Variants in GPATCH8 observed in about 807,000 individuals in gnomAD.
GPATCH8 encodes the protein G-patch domain containing 8, also known as G patch domain-containing protein 8.
In GPATCH8, 18 loss-of-function variants were observed where a neutral mutation model predicts 118.3. That is an observed-to-expected ratio of 0.15 (90% CI 0.11 to 0.23). The LOEUF (loss-of-function observed/expected upper bound fraction) is 0.23. GPATCH8 is among the 10% of genes least tolerant of loss of function. GPATCH8 has a pLI of 1.00. For missense variants in GPATCH8, 1,631 were observed against 1,873.8 expected, an observed-to-expected ratio of 0.87 and a Z score of 2.39; for synonymous variants, 659 against 684.7, an observed-to-expected ratio of 0.96 and a Z score of 0.59.
chr17:44,404,119 G>A (rs988817773), intron 7 of GPATCH8, among the ~76,000 whole-genome samples: 2 of 152,040 alleles, frequency 1.3e-5, no homozygotes, highest in Admixed American at 6.6e-5. Flanking sequence ...AAAAAACAAC[G>A]CCCCGCAAAC....
chr17:44,503,240 A>C, intron 1 of GPATCH8, 86 bp downstream of exon 1: 4 of 1,246,506 alleles, frequency 3.2e-6, no homozygotes, highest in Non-Finnish European at 4.6e-6. Context: ...CAAAACTGGA[A>C]GGAAAGAGGG....
chr17:44,427,097 A>G (rs1225380259), intron 5 of GPATCH8, among the ~76,000 whole-genome samples: 1 of 150,424 alleles, frequency 6.6e-6, no homozygotes, highest in Non-Finnish European at 1.5e-5. Flanking sequence ...TTTTTTTGAG[A>G]CAGCGTCTTG....
rs1567913733 is a variant in GPATCH8 at position 44,395,971 on chromosome 17, G to A, written c.*1597C>T. Reference sequence around the variant, plus strand: ...TGAGGTGGTAATTCCTCTTGTCAGTGTCATGGGAGAAAAGAAACAAGGAAC... The same window carrying A: ...TGAGGTGGTAATTCCTCTTGTCAGTATCATGGGAGAAAAGAAACAAGGAAC... On this transcript the variant is annotated 3_prime_UTR_variant, in exon 8 of 8. Transcript: ENST00000591680. 2.2e-6 allele frequency: 1 copy of A among 454,452 alleles called. No individual in the cohort carries two copies. The allele number at this position is 454,452 out of a possible 1,614,324, so 28.2% of individuals were successfully genotyped here.
At chr17:44,483,628 A>T (rs1968520586) in intron 1 of GPATCH8, among the ~76,000 whole-genome samples, 1 of 150,944 alleles carries the variant, frequency 6.6e-6, no homozygotes, top group African/African-American at 2.4e-5. Context: ...CAAAATATTT[A>T]ATCAGAAATT....
intron 1 of GPATCH8, among the ~76,000 whole-genome samples, chr17:44,494,932 C>T (rs1250979042): frequency 6.6e-6 from 1 of 152,156 alleles, no homozygotes; most frequent in Non-Finnish European, 1.5e-5. Context: ...CTGTTTGTTC[C>T]ACTTCTTTAC....
intron 4 of GPATCH8, among the ~76,000 whole-genome samples, chr17:44,436,029 CAAAAAAAAA>C (rs1157048818): frequency 2.4e-5 from 1 of 41,828 alleles, no homozygotes; most frequent in South Asian, 1.9e-3. Flanking sequence ...AACTCCATCT[CAAAAAAAAA>C]AAAAAAAAAA....
rs373846702 is a variant in GPATCH8, at chr17:44,402,618, TA to T, written c.624-1166del. Among the ~76,000 whole-genome samples the T allele has an allele frequency of 3.3e-5, 5 of 151,870 alleles. No individual in the cohort carries two copies. The South Asian group carries it at 1.0e-3, about 32-fold the overall frequency. On this transcript the variant is annotated intron_variant, in intron 7 of 7. Transcript: ENST00000591680. ...GGGCAACATAGTGAGACCCCACCTC[TA>T]AAAAAAATAAAAATAAAAATTTCCC...
intron 5 of GPATCH8, among the ~76,000 whole-genome samples, chr17:44,433,223 C>T (rs191731304): frequency 2.0e-5 from 3 of 152,094 alleles, no homozygotes; most frequent in African/African-American, 7.2e-5. Context: ...ATTTTTCACT[C>T]GACAGTGTAA....
chr17:44,480,513 C>T (rs1009357191), intron 1 of GPATCH8, among the ~76,000 whole-genome samples: 4 of 151,968 alleles, frequency 2.6e-5, no homozygotes, highest in African/African-American at 9.7e-5. Context: ...GTCGGGAGTA[C>T]AAGACCAGCC....
At position 44,403,694 on chromosome 17, in the gene GPATCH8, T is replaced by C. The variant is rs971350779; in HGVS notation, c.623+2227A>G. ...ATTCAGACAATATGTAATCTCTCTTTTTTTTTTTTTTCTCCCAAGCTGGAG... is the reference window on the plus strand; with the variant it reads ...ATTCAGACAATATGTAATCTCTCTTCTTTTTTTTTTTCTCCCAAGCTGGAG... On this transcript the variant is annotated intron_variant, in intron 7 of 7. Transcript: ENST00000591680. Among the ~76,000 whole-genome samples the C allele has an allele frequency of 5.6e-5, 8 of 143,328 alleles. No homozygotes were observed. The East Asian group carries it at 1.2e-3, about 21-fold the overall frequency. 94.0% of individuals were successfully genotyped at this position (143,328 alleles called of 152,430 possible).
chr17:44,445,160 G>A (rs896234402), intron 3 of GPATCH8, among the ~76,000 whole-genome samples: 7 of 152,070 alleles, frequency 4.6e-5, no homozygotes, highest in African/African-American at 1.7e-4. Flanking sequence ...TTATCACTCA[G>A]TAGTCAAGGA....
At position 44,397,508 on chromosome 17, in the gene GPATCH8, C is replaced by T. The variant is rs561838924; in HGVS notation, c.*60G>A. On this transcript the variant is annotated 3_prime_UTR_variant, in exon 8 of 8. Coordinates refer to ENST00000591680, the MANE Select transcript of GPATCH8 (RefSeq NM_001002909.4). ...CTTGCTGGTATTAATGGCTCAACAC[C>T]CCCAAGGGAACATTTATGGGTCTCC... 10 of 1,170,684 alleles carry T rather than the reference C, an allele frequency of 8.5e-6. No individual in the cohort carries two copies. The highest frequency in any genetic ancestry group is 3.0e-5 in the African/African-American group (2 of 66,448). The allele number at this position is 1,170,684 out of a possible 1,614,324, so 72.5% of individuals were successfully genotyped here.
intron 5 of GPATCH8, among the ~76,000 whole-genome samples, chr17:44,430,712 G>A (rs370532308): frequency 4.0e-5 from 6 of 151,752 alleles, no homozygotes; most frequent in African/African-American, 1.4e-4. Context: ...GTGCGATCTT[G>A]GCTCACTGCA....
At chr17:44,468,496 T>A (rs1967001180) in intron 2 of GPATCH8, among the ~76,000 whole-genome samples, 1 of 146,208 alleles carries the variant, frequency 6.8e-6, no homozygotes. Context: ...CAAGTGATCC[T>A]CCCATCTCAG....
In GPATCH8 at chr17:44,493,669, T is replaced by G. The variant is rs537334310; in HGVS notation, c.45+9657A>C. On this transcript the variant is annotated intron_variant, in intron 1 of 7. Transcript: ENST00000591680. ...TAGGGAGGCAGAGGTGGGAGGATGGTGTGAGCCCAGGAGTTCAAGTCCAGC... is the reference window on the plus strand; with the variant it reads ...TAGGGAGGCAGAGGTGGGAGGATGGGGTGAGCCCAGGAGTTCAAGTCCAGC... Among the ~76,000 whole-genome samples the G allele has an allele frequency of 8.4e-4, 128 of 152,116 alleles. 1 individual carries two copies. Among genetic ancestry groups the G allele is most frequent in the African/African-American group, 3.1e-3 (127 of 41,486 alleles).
Position 44,401,204 on chromosome 17 carries a change from C to T in GPATCH8, c.873G>A (p.Leu291=). 1 of 1,614,126 alleles carries T rather than the reference C, an allele frequency of 6.2e-7. No individual in the cohort carries two copies. The highest frequency in any genetic ancestry group is 8.5e-7 in the Non-Finnish European group (1 of 1,179,992). ...CTCCCAATTTTTGCAATGGGGTCCC[C>T]AGATTATTCTTAATGCCAAAGCTGA... The part of the protein sequence containing the change: ...QGISFGIKNN[L]GTPLQKLGVS... The change falls in exon 8 of 8, where the codon CTG becomes CTA. Residue 291 remains leucine, a synonymous_variant. Transcript: ENST00000591680.
At chr17:44,454,276 A>C (rs2051244351) in intron 3 of GPATCH8, among the ~76,000 whole-genome samples, 1 of 152,142 alleles carries the variant, frequency 6.6e-6, no homozygotes. Flanking sequence ...AGTAGCTAGG[A>C]ATATAAGTGT....
chr17:44,422,207 G>A (rs1233373852), intron 6 of GPATCH8, among the ~76,000 whole-genome samples: 1 of 151,972 alleles, frequency 6.6e-6, no homozygotes, highest in African/African-American at 2.4e-5. Context: ...TTTGAGACAA[G>A]GTCTTGCTCT....
At chr17:44,431,590 A>G (rs970206837) in intron 5 of GPATCH8, among the ~76,000 whole-genome samples, 2 of 151,992 alleles carry the variant, frequency 1.3e-5, no homozygotes, top group Admixed American at 6.6e-5. Flanking sequence ...ATGAGACTGC[A>G]GTTTTTGTTT....
Sources: allele counts gnomAD v4.1 joint callset (sites outside exome capture counted in the v4.1 genomes callset), GRCh38; gene constraint gnomAD v4.1.1; transcripts MANE v1.5; gene names NCBI Gene and HGNC (gene_info 2026-07-23, HGNC 2026-07-21).